The following PPP2R5A variants were observed in gnomAD, a reference collection of about 807,000 sequenced individuals.
PPP2R5A encodes protein phosphatase 2 regulatory subunit B'alpha.
Under a neutral mutation model 64.2 loss-of-function variants are expected in PPP2R5A, and 25 were observed. The observed-to-expected ratio is 0.39, with a 90% CI of 0.28 to 0.54. PPP2R5A has a LOEUF of 0.54. Among genes scored for constraint, PPP2R5A ranks in the 20% least tolerant of loss-of-function variants. The pLI, the probability that PPP2R5A is intolerant of heterozygous loss-of-function variation, is 0.67. For synonymous variants in PPP2R5A, 198 were observed against 201.2 expected, an observed-to-expected ratio of 0.98 and a Z score of 0.13; for missense variants, 425 against 576.3, an observed-to-expected ratio of 0.74 and a Z score of 2.69.
intron 1 of PPP2R5A, among the ~76,000 whole-genome samples, chr1:212,323,060 A>G: frequency 6.6e-6 from 1 of 152,262 alleles, no homozygotes; most frequent in East Asian, 1.9e-4. Context: ...TGCTGGGATT[A>G]CAGGCGTGAG....
chr1:212,355,954 A>T (rs1034575321), intron 8 of PPP2R5A, among the ~76,000 whole-genome samples: 1 of 151,892 alleles, frequency 6.6e-6, no homozygotes, highest in African/African-American at 2.4e-5. Flanking sequence ...AATCCCAGCT[A>T]CTCGAGAGGC....
intron 1 of PPP2R5A, among the ~76,000 whole-genome samples, chr1:212,306,579 G>C (rs898585475): frequency 6.6e-6 from 1 of 151,564 alleles, no homozygotes. Context: ...AGCCACTCCA[G>C]CTTTCTTATG....
intron 1 of PPP2R5A, among the ~76,000 whole-genome samples, chr1:212,322,408 C>A (rs1421353387): frequency 1.3e-5 from 2 of 152,122 alleles, no homozygotes; most frequent in Non-Finnish European, 1.5e-5. Context: ...TTCAGTGTTA[C>A]TCTTTCACAA....
At chr1:212,319,354 G>A (rs1428644601) in intron 1 of PPP2R5A, 1 of 152,220 alleles carries the variant, frequency 6.6e-6, no homozygotes, top group African/African-American at 2.4e-5. Context: ...AATTCTGATA[G>A]AAAATATCAG....
intron 1 of PPP2R5A, among the ~76,000 whole-genome samples, chr1:212,317,876 C>G (rs1442194223): frequency 6.6e-6 from 1 of 151,558 alleles, no homozygotes; most frequent in Non-Finnish European, 1.5e-5. Context: ...GTCCCAGCTA[C>G]TTGGGAGGCT....
At chr1:212,292,515 C>T (rs1658618481) in intron 1 of PPP2R5A, among the ~76,000 whole-genome samples, 1 of 152,138 alleles carries the variant, frequency 6.6e-6, no homozygotes. Flanking sequence ...GATTGTGCTG[C>T]TTTTAGTGAT....
At chr1:212,353,058 G>A in intron 8 of PPP2R5A, 1 of 447,152 alleles carries the variant, frequency 2.2e-6, no homozygotes, top group South Asian at 1.7e-5. Context: ...CAAAGCTGCA[G>A]TTGGAGTGTT....
chr1:212,356,933 A>C lies in PPP2R5A; in HGVS notation c.979-17A>C. The C allele has an allele frequency of 6.7e-7, 1 of 1,500,174 alleles. No individual in the cohort carries two copies. The highest frequency in any genetic ancestry group is 9.0e-7 in the Non-Finnish European group (1 of 1,106,206). 92.9% of individuals were successfully genotyped at this position (1,500,174 alleles called of 1,614,324 possible). On this transcript the variant is annotated splice_polypyrimidine_tract_variant and intron_variant, in intron 9 of 12. Coordinates refer to ENST00000261461, the MANE Select transcript of PPP2R5A (RefSeq NM_006243.4). The stretch of plus-strand genomic sequence containing the variant: ...ATAATTTATCATGTTTCTTAAAATA[A>C]AATTTTTTTAACCTAGGTGATGTTT...
At chr1:212,310,549 G>T (rs1007762753) in intron 1 of PPP2R5A, among the ~76,000 whole-genome samples, 1 of 152,222 alleles carries the variant, frequency 6.6e-6, no homozygotes, top group African/African-American at 2.4e-5. Context: ...AGAGCTGGGA[G>T]TGGGGACAAT....
chr1:212,308,134 A>G (rs1400001111), intron 1 of PPP2R5A, among the ~76,000 whole-genome samples: 1 of 152,196 alleles, frequency 6.6e-6, no homozygotes, highest in African/African-American at 2.4e-5. Context: ...TTTATTGGAT[A>G]TAGGATTTTT....
intron 1 of PPP2R5A, among the ~76,000 whole-genome samples, chr1:212,290,732 G>A (rs1014110709): frequency 3.2e-4 from 49 of 152,250 alleles, no homozygotes; most frequent in African/African-American, 1.2e-3. Flanking sequence ...ACTGAATAAA[G>A]TGCTAATCCA....
intron 1 of PPP2R5A, among the ~76,000 whole-genome samples, chr1:212,317,175 T>C (rs1659171329): frequency 6.6e-6 from 1 of 152,246 alleles, no homozygotes; most frequent in Non-Finnish European, 1.5e-5. Flanking sequence ...CGCTGAAATT[T>C]GTTGAAGTCT....
intron 1 of PPP2R5A, among the ~76,000 whole-genome samples, chr1:212,310,235 T>G (rs563483195): frequency 1.3e-5 from 2 of 152,112 alleles, no homozygotes; most frequent in Non-Finnish European, 2.9e-5. Context: ...GAAGGAATAG[T>G]TCCCAAGGTC....
intron 1 of PPP2R5A, among the ~76,000 whole-genome samples, chr1:212,301,402 C>A (rs1658797947): frequency 6.6e-6 from 1 of 152,158 alleles, no homozygotes; most frequent in African/African-American, 2.4e-5. Context: ...TATTTAAGTT[C>A]TTGAAAGTTT....
At chr1:212,359,646 C>T (rs576164351) in intron 12 of PPP2R5A, among the ~76,000 whole-genome samples, 1 of 152,186 alleles carries the variant, frequency 6.6e-6, no homozygotes, top group Middle Eastern at 3.4e-3. Flanking sequence ...AGCATATTAC[C>T]TGTTCTGTTT....
intron 12 of PPP2R5A, among the ~76,000 whole-genome samples, chr1:212,360,292 C>T (rs1300537426): frequency 1.3e-5 from 2 of 152,150 alleles, no homozygotes; most frequent in Admixed American, 6.5e-5. Context: ...CCCCTTCAGC[C>T]TTTGTAATAC....
intron 1 of PPP2R5A, among the ~76,000 whole-genome samples, chr1:212,286,987 T>C (rs577054677): frequency 6.6e-6 from 1 of 152,360 alleles, no homozygotes; most frequent in East Asian, 1.9e-4. Flanking sequence ...ACACATGGTC[T>C]ATTTGGAAAT....
chr1:212,308,616 C>G (rs574200236), intron 1 of PPP2R5A, among the ~76,000 whole-genome samples: 46 of 152,174 alleles, frequency 3.0e-4, no homozygotes, highest in Middle Eastern at 3.4e-3. Context: ...GCTATGCTGG[C>G]TAGGCTGGTC....
At chr1:212,300,383 TAA>T (rs904499173) in intron 1 of PPP2R5A, among the ~76,000 whole-genome samples, 1 of 152,216 alleles carries the variant, frequency 6.6e-6, no homozygotes, top group Non-Finnish European at 1.5e-5. Flanking sequence ...CATGGTTTTC[TAA>T]AATAAACTCA....
Sources: allele counts gnomAD v4.1 joint callset (sites outside exome capture counted in the v4.1 genomes callset), GRCh38; gene constraint gnomAD v4.1.1; transcripts MANE v1.5; gene names NCBI Gene and HGNC (gene_info 2026-07-23, HGNC 2026-07-21).